Variants in TMPRSS11E observed in about 807,000 individuals in gnomAD.
TMPRSS11E encodes the protein transmembrane protease serine 11E.
Under a neutral mutation model 48.1 loss-of-function variants are expected in TMPRSS11E, and 38 were observed. The observed-to-expected ratio is 0.79, with a 90% CI of 0.61 to 1.04. TMPRSS11E has a LOEUF of 1.04. TMPRSS11E is among the 50% of genes least tolerant of loss of function. The probability of loss-of-function intolerance (pLI) is 0.00; values close to 1 mark genes in which losing one functional copy is unlikely to be tolerated. For synonymous variants in TMPRSS11E, 158 were observed against 171.9 expected (o/e 0.92, Z 0.63); for missense variants, 530 against 510.8 (o/e 1.04, Z -0.36).
intron 1 of TMPRSS11E, 83 bp downstream of exon 1, chr4:68,447,606 A>T: frequency 9.6e-7 from 1 of 1,046,368 alleles, no homozygotes; most frequent in African/African-American, 1.6e-5. Flanking sequence ...AGGAATGTGT[A>T]GATCTACAGT....
chr4:68,488,810 G>A (rs1729635947), intron 9 of TMPRSS11E, among the ~76,000 whole-genome samples: 1 of 152,168 alleles, frequency 6.6e-6, no homozygotes, highest in South Asian at 2.1e-4. Context: ...AAAGTGCTGG[G>A]ATTACAGGCG....
chr4:68,496,927 CTGTT>C lies in TMPRSS11E; in HGVS notation c.*126_*129del. The C allele has an allele frequency of 3.0e-6, 3 of 1,009,360 alleles. No homozygotes were observed. Among genetic ancestry groups the C allele is most frequent in the African/African-American group, 1.6e-5 (1 of 61,688 alleles). 62.5% of individuals were successfully genotyped at this position (1,009,360 alleles called of 1,614,324 possible). A position where few individuals can be genotyped will look rare whatever the true frequency, so the allele number is the denominator to read the frequency against. On this transcript the variant is annotated 3_prime_UTR_variant, in exon 10 of 10. Coordinates refer to ENST00000305363, the MANE Select transcript of TMPRSS11E (RefSeq NM_014058.4). ...GCTAGATTTGACTGATCTCAATAAA[CTGTT>C]TGCTTGATGCATGTATTTTCTTCCC...
chr4:68,490,748 A>ATTTT (rs1729692836), intron 9 of TMPRSS11E, among the ~76,000 whole-genome samples: 11 of 76,152 alleles, frequency 1.4e-4, no homozygotes, highest in Non-Finnish European at 1.9e-4. Flanking sequence ...CACTCAGCAT[A>ATTTT]TTCTTTTTTT....
intron 9 of TMPRSS11E, among the ~76,000 whole-genome samples, chr4:68,485,829 A>G (rs1033410580): frequency 9.2e-5 from 14 of 151,564 alleles, no homozygotes; most frequent in Non-Finnish European, 1.9e-4. Context: ...CAATTTTGGA[A>G]CTCATTATTT....
chr4:68,468,858 T>A, intron 3 of TMPRSS11E, 21 bp from the exon 4 acceptor site: 1 of 1,512,904 alleles, frequency 6.6e-7, no homozygotes, highest in Non-Finnish European at 9.2e-7. Flanking sequence ...GCTGATATAT[T>A]TTGAATATTT....
chr4:68,478,147 A>ATTTTTTTTTTTTT (rs879193345), intron 8 of TMPRSS11E, among the ~76,000 whole-genome samples: 1 of 90,532 alleles, frequency 1.1e-5, no homozygotes, highest in African/African-American at 3.9e-5. Flanking sequence ...CTGTATCACT[A>ATTTTTTTTTTTTT]TCTTTTTTTT....
rs1728932911 is a variant in TMPRSS11E at position 68,466,616 on chromosome 4, C to T, written c.137-15C>T. The T allele has an allele frequency of 1.2e-6, 2 of 1,609,230 alleles. No homozygotes were observed. The highest frequency in any genetic ancestry group is 1.3e-5 in the African/African-American group (1 of 74,456). On this transcript the variant is annotated splice_polypyrimidine_tract_variant and intron_variant, in intron 2 of 9. Transcript: ENST00000305363. ...TGATAAAAATTATGATAGTGTTTTGCTTCTTTCCTTGTAGATCAAAAGAAG... is the reference window on the plus strand; with the variant it reads ...TGATAAAAATTATGATAGTGTTTTGTTTCTTTCCTTGTAGATCAAAAGAAG...
chr4:68,496,181 A>T (rs1327492133), intron 9 of TMPRSS11E, among the ~76,000 whole-genome samples: 1 of 152,160 alleles, frequency 6.6e-6, no homozygotes, highest in Non-Finnish European at 1.5e-5. Flanking sequence ...CAGCATGGAA[A>T]GGCCAAACTT....
At chr4:68,475,180 G>A (rs905052114) in intron 6 of TMPRSS11E, among the ~76,000 whole-genome samples, 1 of 151,978 alleles carries the variant, frequency 6.6e-6, no homozygotes, top group African/African-American at 2.4e-5. Flanking sequence ...GGATTAATAC[G>A]AAAGTGCAGG....
At chr4:68,471,089 A>G (rs927073675) in intron 4 of TMPRSS11E, among the ~76,000 whole-genome samples, 2 of 151,950 alleles carry the variant, frequency 1.3e-5, no homozygotes, top group African/African-American at 4.8e-5. Flanking sequence ...AACTCACTAT[A>G]TGAGAGGCTG....
intron 9 of TMPRSS11E, among the ~76,000 whole-genome samples, chr4:68,482,368 C>G (rs917908226): frequency 6.6e-6 from 1 of 152,050 alleles, no homozygotes; most frequent in Non-Finnish European, 1.5e-5. Flanking sequence ...CTCCTGGCCT[C>G]TCCCAAATCT....
chr4:68,484,079 C>T (rs1729485849), intron 9 of TMPRSS11E, among the ~76,000 whole-genome samples: 1 of 152,026 alleles, frequency 6.6e-6, no homozygotes, highest in South Asian at 2.1e-4. Flanking sequence ...GTGATGCCAC[C>T]AGCTTTGTTT....
chr4:68,488,688 G>A (rs1341239396), intron 9 of TMPRSS11E, among the ~76,000 whole-genome samples: 10 of 136,800 alleles, frequency 7.3e-5, no homozygotes, highest in Non-Finnish European at 1.1e-4. Context: ...ACAGGGGCCC[G>A]CCACCATGCC....
At chr4:68,448,224 TATC>T (rs1728393905) in intron 1 of TMPRSS11E, among the ~76,000 whole-genome samples, 1 of 151,980 alleles carries the variant, frequency 6.6e-6, no homozygotes, top group Non-Finnish European at 1.5e-5. Context: ...CATATTGGCA[TATC>T]ATTTTTTATT....
At chr4:68,477,175 T>G (rs1188590625) in intron 7 of TMPRSS11E, among the ~76,000 whole-genome samples, 194 bp from the exon 8 acceptor site, 1 of 152,046 alleles carries the variant, frequency 6.6e-6, no homozygotes, top group Non-Finnish European at 1.5e-5. Flanking sequence ...TGGAGTGGCA[T>G]GTATATTATA....
intron 9 of TMPRSS11E, among the ~76,000 whole-genome samples, chr4:68,484,432 G>C (rs1251499105): frequency 6.6e-6 from 1 of 152,054 alleles, no homozygotes; most frequent in African/African-American, 2.4e-5. Flanking sequence ...TCAGTCTCCT[G>C]AGTAGCGGGG....
At chr4:68,486,490 T>C (rs1729557879) in intron 9 of TMPRSS11E, among the ~76,000 whole-genome samples, 1 of 152,210 alleles carries the variant, frequency 6.6e-6, no homozygotes, top group Non-Finnish European at 1.5e-5. Context: ...TATTGCACTG[T>C]GGTCTGAGAG....
chr4:68,478,833 CTT>C lies in TMPRSS11E; in HGVS notation c.968-9_968-8del, dbSNP rs752227023. On this transcript the variant is annotated splice_polypyrimidine_tract_variant and intron_variant, in intron 8 of 9. Transcript: ENST00000305363. ...ATATGTATGTCTACAAATACAAAGA[CTT>C]TTTTTTCTTTTAGGTTACAGTCAAA... 3.0e-5 allele frequency: 48 copies of C among 1,609,322 alleles called. No homozygotes were observed. Among genetic ancestry groups the C allele is most frequent in the Non-Finnish European group, 4.0e-5 (47 of 1,178,458 alleles).
chr4:68,477,645 G>A lies in TMPRSS11E; in HGVS notation c.967+17G>A, dbSNP rs1444221455. 1 of 1,607,334 alleles carries A rather than the reference G, an allele frequency of 6.2e-7. No homozygotes were observed. Among genetic ancestry groups the A allele is most frequent in the Admixed American group, 1.7e-5 (1 of 58,982 alleles). On this transcript the variant is annotated intron_variant, in intron 8 of 9. Coordinates refer to ENST00000305363, the MANE Select transcript of TMPRSS11E (RefSeq NM_014058.4). ...AAAATGATGGTGAGCATCGGAAGAG[G>A]AACTCAAGTAAAAGTTAAATTGGTA...
Sources: gnomAD v4.1 joint callset for allele counts (sites outside exome capture counted in the v4.1 genomes callset) on GRCh38, gnomAD v4.1.1 for gene constraint, MANE v1.5 for transcripts, NCBI Gene and HGNC (gene_info 2026-07-23, HGNC 2026-07-21) for gene names.